RTN4: variants seen among roughly 807,000 people sequenced by gnomAD.
RTN4 encodes reticulon 4, also known as reticulon-4.
RTN4 carries 32 observed loss-of-function variants against 90.4 expected under a neutral mutation model. That is an observed-to-expected ratio of 0.35 (90% confidence interval 0.27 to 0.48). RTN4 has a LOEUF of 0.48. Ranked by LOEUF, RTN4 falls within the 20% of genes least tolerant of loss-of-function variation. The probability of loss-of-function intolerance (pLI) is 0.99; values close to 1 mark genes in which losing one functional copy is unlikely to be tolerated. For synonymous variants in RTN4, 629 were observed against 552.5 expected, an observed-to-expected ratio of 1.14 and a Z score of -1.94; for missense variants, 1,706 against 1,430.2, an observed-to-expected ratio of 1.19 and a Z score of -3.11.
chr2:55,073,891 G>C (rs1368408093), intron 2 of RTN4, among the ~76,000 whole-genome samples: 1 of 152,176 alleles, frequency 6.6e-6, no homozygotes, highest in East Asian at 1.9e-4. Flanking sequence ...CTCAGTTTCT[G>C]ACATGAGCTC....
At chr2:54,982,694 G>T in intron 4 of RTN4, 41 bp from the exon 5 acceptor site, 2 of 1,554,762 alleles carry the variant, frequency 1.3e-6, no homozygotes, top group Non-Finnish European at 8.7e-7. Context: ...TAATTGGAGT[G>T]ATTTTCCCCT....
chr2:55,063,515 G>C (rs2968794), intron 2 of RTN4, among the ~76,000 whole-genome samples: 47,709 of 151,178 alleles, frequency 0.32, 8,699 homozygotes, highest in East Asian at 0.59. Flanking sequence ...GCAGGCCATA[G>C]TAATGAGTTG....
intron 2 of RTN4, among the ~76,000 whole-genome samples, chr2:55,076,539 A>G (rs149922230): frequency 1.3e-5 from 2 of 151,972 alleles, no homozygotes; most frequent in African/African-American, 4.8e-5. Context: ...AGCTGGAACT[A>G]TAGGCATGCA....
chr2:55,014,532 T>C (rs1356962656), intron 3 of RTN4: 1 of 151,914 alleles, frequency 6.6e-6, no homozygotes, highest in African/African-American at 2.4e-5. Context: ...ATTTTTTTTT[T>C]TTTGGAGACA....
intron 5 of RTN4, among the ~76,000 whole-genome samples, chr2:54,978,499 A>C (rs1190082790): frequency 6.6e-6 from 1 of 151,804 alleles, no homozygotes. Context: ...GTAGATATAA[A>C]TTTGAGGGCA....
intron 2 of RTN4, among the ~76,000 whole-genome samples, chr2:55,066,341 G>A (rs1253367162): frequency 6.6e-6 from 1 of 151,956 alleles, no homozygotes; most frequent in Non-Finnish European, 1.5e-5. Flanking sequence ...TGAGGGCTGG[G>A]GTTTGTACAT....
intron 2 of RTN4, among the ~76,000 whole-genome samples, chr2:55,068,950 T>C (rs1020878271): frequency 5.3e-5 from 8 of 152,252 alleles, no homozygotes; most frequent in African/African-American, 1.9e-4. Context: ...TTAGTGTACT[T>C]TAAAGCCACT....
chr2:54,997,377 T>C (rs1368325936), intron 3 of RTN4, among the ~76,000 whole-genome samples: 1 of 152,146 alleles, frequency 6.6e-6, no homozygotes, highest in East Asian at 1.9e-4. Context: ...CAAAAAGTGA[T>C]GAAGATTAGA....
chr2:55,006,608 C>A (rs1680244093), intron 3 of RTN4, among the ~76,000 whole-genome samples: 1 of 152,124 alleles, frequency 6.6e-6, no homozygotes. Flanking sequence ...AGGAACATTT[C>A]TTTCCCTATC....
chr2:55,044,108 A>G (rs1262865185), intron 1 of RTN4, among the ~76,000 whole-genome samples: 1 of 151,714 alleles, frequency 6.6e-6, no homozygotes, highest in Non-Finnish European at 1.5e-5. Context: ...AGGTGGCAGG[A>G]TCACTTGAGC....
chr2:55,003,889 G>A (rs1018148308), intron 3 of RTN4, among the ~76,000 whole-genome samples: 1 of 152,114 alleles, frequency 6.6e-6, no homozygotes, highest in African/African-American at 2.4e-5. Context: ...GGCATCTGTG[G>A]ATTTTGGTAT....
chr2:55,092,149 C>A (rs1668949978), intron 1 of RTN4, among the ~76,000 whole-genome samples: 2 of 151,320 alleles, frequency 1.3e-5, no homozygotes, highest in South Asian at 4.2e-4. Flanking sequence ...GAGATGGCAC[C>A]ACTGCACTCC....
At chr2:55,042,248 G>GC (rs1159228120) in intron 1 of RTN4, among the ~76,000 whole-genome samples, 1 of 152,112 alleles carries the variant, frequency 6.6e-6, no homozygotes, top group Non-Finnish European at 1.5e-5. Context: ...CATTTTAAAT[G>GC]CAAATATCCT....
chr2:55,107,365 G>T (rs1337275067), intron 1 of RTN4, among the ~76,000 whole-genome samples: 1 of 134,542 alleles, frequency 7.4e-6, no homozygotes, highest in African/African-American at 2.8e-5. Context: ...AAAAAATCTT[G>T]TAAGGATTTA....
intron 3 of RTN4, among the ~76,000 whole-genome samples, chr2:55,000,859 G>A (rs542386516): frequency 1.3e-5 from 2 of 152,048 alleles, no homozygotes; most frequent in Non-Finnish European, 2.9e-5. Flanking sequence ...CTAACACTAC[G>A]AGTAGAGTTA....
chr2:55,083,975 T>G (rs993349846), intron 1 of RTN4, among the ~76,000 whole-genome samples: 1 of 152,220 alleles, frequency 6.6e-6, no homozygotes, highest in East Asian at 1.9e-4. Flanking sequence ...GAGCACCTTT[T>G]GTTCTAATGA....
chr2:55,090,832 C>A (rs1380351393), intron 1 of RTN4, among the ~76,000 whole-genome samples: 1 of 152,182 alleles, frequency 6.6e-6, no homozygotes, highest in Non-Finnish European at 1.5e-5. Flanking sequence ...TTTTCCACCT[C>A]AGTTACCAGC....
chr2:54,984,501 G>T lies in RTN4; in HGVS notation c.3222-1848C>A, dbSNP rs114376442. Among the ~76,000 whole-genome samples the T allele has an allele frequency of 4.4e-3, 669 of 152,310 alleles. 7 individuals carry two copies. Among genetic ancestry groups the T allele is most frequent in the African/African-American group, 0.016 (646 of 41,568 alleles). ...AAAGTGGCTGATATAACCCTGGTTGGTATTCTGCTTCTTTGTACCACTGTT... is the reference window on the plus strand; with the variant it reads ...AAAGTGGCTGATATAACCCTGGTTGTTATTCTGCTTCTTTGTACCACTGTT... On this transcript the variant is annotated intron_variant, in intron 4 of 8. Transcript: ENST00000337526.
chr2:55,023,670 C>A (rs1315447443), intron 3 of RTN4, among the ~76,000 whole-genome samples: 3 of 152,046 alleles, frequency 2.0e-5, no homozygotes, highest in Non-Finnish European at 4.4e-5. Flanking sequence ...GCATACTCTC[C>A]TTCCTGCTTG....
Sources: allele counts gnomAD v4.1 joint callset (sites outside exome capture counted in the v4.1 genomes callset), GRCh38; gene constraint gnomAD v4.1.1; transcripts MANE v1.5; gene names NCBI Gene and HGNC (gene_info 2026-07-23, HGNC 2026-07-21).